The following LTBP2 variants were observed in gnomAD, a reference collection of about 807,000 sequenced individuals.
The protein encoded by LTBP2 is latent-transforming growth factor beta-binding protein 2.
LTBP2 carries 103 observed loss-of-function variants against 210.6 expected under a neutral mutation model. The ratio of observed to expected loss-of-function variants is 0.49; its 90% CI spans 0.42 to 0.58. LTBP2 has a LOEUF of 0.58. Among genes scored for constraint, LTBP2 ranks in the 20% least tolerant of loss-of-function variants. The pLI is 0.00. For missense variants in LTBP2, 2,313 were observed against 2,494.5 expected, an observed-to-expected ratio of 0.93 and a Z score of 1.55; for synonymous variants, 1,007 against 1,015.0, an observed-to-expected ratio of 0.99 and a Z score of 0.15.
chr14:74,502,554 C>G (rs753721186), intron 34 of LTBP2, 99 bp downstream of exon 34: 13 of 1,549,690 alleles, frequency 8.4e-6, no homozygotes, highest in Non-Finnish European at 1.1e-5. Flanking sequence ...TTCCCCTTCC[C>G]AGTCCTCACC....
intron 10 of LTBP2, among the ~76,000 whole-genome samples, chr14:74,531,720 C>T (rs2087352889): frequency 1.3e-5 from 2 of 152,238 alleles, no homozygotes. Flanking sequence ...TGCTGCCTCC[C>T]AGAGGCCAGT....
chr14:74,532,495 TA>T lies in LTBP2; in HGVS notation c.1917del (p.Asn639LysfsTer103). 1 of 1,614,202 alleles carries T rather than the reference TA, an allele frequency of 6.2e-7. No homozygotes were observed. Among genetic ancestry groups the T allele is most frequent in the Non-Finnish European group, 8.5e-7 (1 of 1,180,026 alleles). On this transcript the variant is annotated frameshift_variant, in exon 10 of 36. Coordinates refer to ENST00000261978, the MANE Select transcript of LTBP2 (RefSeq NM_000428.3). LOFTEE classifies it high-confidence loss of function. ...LGLCKDAECV[N>X]TRGSYLCTCR... ...CATGTGCACAGGTAGCTGCCCCTGG[TA>T]TTCACACACTCCGCGTCCTTGCACA...
At chr14:74,527,457 C>T (rs1252985081) in intron 12 of LTBP2, 91 bp from the exon 13 acceptor site, 3 of 1,368,832 alleles carry the variant, frequency 2.2e-6, no homozygotes, top group Non-Finnish European at 3.1e-6. Flanking sequence ...ACAGTCTGCG[C>T]CCCAGACCAC....
Position 74,501,476 on chromosome 14 carries a change from C to T in LTBP2, c.5285G>A (p.Gly1762Asp). ...CATGTGGGCCGCATCCAGCTGGAAG[C>T]CCTCAAAACAGTCACAGGTGTAGCC... is the stretch of plus-strand genomic sequence containing the variant. ...REGYTCDCFE[G>D]FQLDAAHMAC... The change falls in exon 35 of 36, where the codon GGC (glycine) becomes GAC (aspartate). Residue 1762 changes from glycine (G) to aspartate (D), a missense_variant. Gly to Asp is a moderately conservative substitution (Grantham distance 94, BLOSUM62 -1). Coordinates refer to ENST00000261978, the MANE Select transcript of LTBP2 (RefSeq NM_000428.3). 1.2e-6 allele frequency: 2 copies of T among 1,614,190 alleles called. No homozygotes were observed. The highest frequency in any genetic ancestry group is 8.5e-7 in the Non-Finnish European group (1 of 1,180,026).
At chr14:74,528,930 G>A (rs2087313257) in intron 11 of LTBP2, 28 bp downstream of exon 11, 2 of 1,608,392 alleles carry the variant, frequency 1.2e-6, no homozygotes, top group Admixed American at 3.4e-5. Flanking sequence ...CCTGGGCAGT[G>A]AAAGCTGGGA....
chr14:74,526,149 C>T (rs942329515), intron 13 of LTBP2, 35 bp from the exon 14 acceptor site: 1 of 1,577,582 alleles, frequency 6.3e-7, no homozygotes, highest in Middle Eastern at 1.9e-4. Flanking sequence ...CTTTTGGCTC[C>T]TCTGCCGTAC....
In LTBP2 at chr14:74,577,591, C is replaced by T. The variant is rs1267834934; in HGVS notation, c.830+8263G>A. ...TGGCGCAATCTCAGTTCACTGCAAC[C>T]TCTACCTCCCAGATTCAAGCCATTC... is the stretch of plus-strand genomic sequence containing the variant. On this transcript the variant is annotated intron_variant, in intron 3 of 35. Transcript: ENST00000261978. Among the ~76,000 whole-genome samples, 5 of 151,478 alleles carry T rather than the reference C, an allele frequency of 3.3e-5. No homozygotes were observed. In the East Asian group the frequency reaches 7.7e-4, roughly 23 times the overall value.
At chr14:74,574,313 A>C (rs943860428) in intron 3 of LTBP2, among the ~76,000 whole-genome samples, 2 of 152,206 alleles carry the variant, frequency 1.3e-5, no homozygotes, top group Non-Finnish European at 1.5e-5. Context: ...CGCCATGGTA[A>C]CCATAATTCT....
Position 74,521,841 on chromosome 14 carries a change from A to G in LTBP2, c.2788+70T>C, listed in dbSNP as rs568995511. The G allele has an allele frequency of 1.4e-5, 22 of 1,600,712 alleles. No individual in the cohort carries two copies. In the African/African-American group the frequency reaches 2.4e-4, roughly 18 times the overall value. On this transcript the variant is annotated intron_variant, in intron 17 of 35. Coordinates refer to ENST00000261978, the MANE Select transcript of LTBP2 (RefSeq NM_000428.3). ...TGCGGCACGGTGTTTGGGGGTGTGA[A>G]CCCCTGGTTCCTCTTCCACCCCCTC...
intron 2 of LTBP2, among the ~76,000 whole-genome samples, chr14:74,601,623 A>C (rs946288786): frequency 2.0e-5 from 3 of 152,172 alleles, no homozygotes; most frequent in Non-Finnish European, 2.9e-5. Context: ...GCATCTTCAA[A>C]CAGGCAGAGG....
intron 11 of LTBP2, 116 bp from the exon 12 acceptor site, chr14:74,528,814 GC>G: frequency 6.6e-7 from 1 of 1,505,868 alleles, no homozygotes; most frequent in Non-Finnish European, 9.0e-7. Context: ...GAGGGAGGGA[GC>G]CCCAGGTTGG....
At chr14:74,567,471 T>G (rs10149616) in intron 3 of LTBP2, among the ~76,000 whole-genome samples, 2 of 151,756 alleles carry the variant, frequency 1.3e-5, no homozygotes, top group African/African-American at 2.4e-5. Flanking sequence ...AGAGGCGGGG[T>G]GGGGGTGGCC....
At position 74,498,439 on chromosome 14, in the gene LTBP2, G is replaced by A. The variant is rs1478637653; in HGVS notation, c.*2445C>T. The A allele has an allele frequency of 4.8e-6, 1 of 207,966 alleles. No individual in the cohort carries two copies. 12.9% of individuals were successfully genotyped at this position (207,966 alleles called of 1,614,324 possible). On this transcript the variant is annotated 3_prime_UTR_variant, in exon 36 of 36. Transcript: ENST00000261978. Reference sequence around the variant, plus strand: ...CAGGAAACAATGGAAACGTCTGTCAGTGAGGGACTGATTAAATAAATTATG... The same window carrying A: ...CAGGAAACAATGGAAACGTCTGTCAATGAGGGACTGATTAAATAAATTATG...
intron 3 of LTBP2, among the ~76,000 whole-genome samples, chr14:74,556,716 C>T (rs1405424089): frequency 1.3e-5 from 2 of 152,176 alleles, no homozygotes; most frequent in Non-Finnish European, 2.9e-5. Flanking sequence ...CAAGATTTTG[C>T]CATGTTGGCC....
In LTBP2 at chr14:74,569,686, C is replaced by T. The variant is rs191681587; in HGVS notation, c.831-13993G>A. Among the ~76,000 whole-genome samples, 269 of 152,296 alleles carry T rather than the reference C, an allele frequency of 1.8e-3. 3 individuals are homozygous for T. Among genetic ancestry groups the T allele is most frequent in the Non-Finnish European group, 3.7e-4 (25 of 68,038 alleles). On this transcript the variant is annotated intron_variant, in intron 3 of 35. Transcript: ENST00000261978. ...GGGCGTCAGAGTCCTTCCCACACAA[C>T]CTGTCTTGATGAAATAATTGCTATA...
intron 1 of LTBP2, among the ~76,000 whole-genome samples, chr14:74,605,554 G>A (rs1409936007): frequency 6.6e-6 from 1 of 152,242 alleles, no homozygotes; most frequent in African/African-American, 2.4e-5. Flanking sequence ...ACCACCCCTT[G>A]TGGTGGTGAC....
Position 74,586,743 on chromosome 14 carries a change from G to A in LTBP2, c.566-625C>T, listed in dbSNP as rs2088210616. Among the ~76,000 whole-genome samples the A allele has an allele frequency of 6.6e-6, 1 of 152,098 alleles. No individual in the cohort carries two copies. The highest frequency in any genetic ancestry group is 1.5e-5 in the Non-Finnish European group (1 of 68,016). The stretch of plus-strand genomic sequence containing the variant: ...CCTTCAAAGGCACCTTCAGCTTGAC[G>A]GTCTCTCCTCTCCTTCCCATTGTTC... On this transcript the variant is annotated intron_variant, in intron 2 of 35. Coordinates refer to ENST00000261978, the MANE Select transcript of LTBP2 (RefSeq NM_000428.3). The surrounding 1 kb of genome is among the most constrained non-coding windows in gnomAD (Gnocchi z 4.6).
intron 18 of LTBP2, among the ~76,000 whole-genome samples, chr14:74,513,703 T>C (rs1351782351): frequency 1.3e-5 from 2 of 152,196 alleles, no homozygotes; most frequent in East Asian, 3.9e-4. Context: ...CTCGGGAGGC[T>C]GAGGCAGGAG....
intron 8 of LTBP2, among the ~76,000 whole-genome samples, chr14:74,542,287 CT>C (rs2087518081): frequency 6.6e-6 from 1 of 152,230 alleles, no homozygotes; most frequent in African/African-American, 2.4e-5. Context: ...AGATGGGCCC[CT>C]GGCTGCAGCC....
Sources: allele counts gnomAD v4.1 joint callset (sites outside exome capture counted in the v4.1 genomes callset), GRCh38; gene constraint gnomAD v4.1.1; non-coding constraint Gnocchi (gnomAD v3.1); transcripts MANE v1.5; gene names NCBI Gene and HGNC (gene_info 2026-07-23, HGNC 2026-07-21).